The following NFX1 variants were observed in gnomAD, a reference collection of about 807,000 sequenced individuals.
NFX1 encodes the protein nuclear transcription factor, X-box binding 1, also known as transcriptional repressor NF-X1.
A neutral mutation model predicts 137.2 loss-of-function variants in NFX1; 69 were observed. That is an observed-to-expected ratio of 0.50 (90% CI 0.41 to 0.61). NFX1 has a LOEUF of 0.61. Among genes scored for constraint, NFX1 ranks in the 20% least tolerant of loss-of-function variants. The probability of loss-of-function intolerance (pLI) is 0.00; values close to 1 mark genes in which losing one functional copy is unlikely to be tolerated. For synonymous variants in NFX1, 495 were observed against 474.1 expected, an observed-to-expected ratio of 1.04 and a Z score of -0.57; for missense variants, 1,167 against 1,391.0, an observed-to-expected ratio of 0.84 and a Z score of 2.56.
chr9:33,368,213 C>T (rs1053579791), intron 23 of NFX1, among the ~76,000 whole-genome samples: 6 of 151,404 alleles, frequency 4.0e-5, no homozygotes, highest in South Asian at 2.1e-4. Flanking sequence ...CCACCCTGGG[C>T]GACAGAGAGA....
chr9:33,330,782 G>A (rs1013066326), intron 10 of NFX1, among the ~76,000 whole-genome samples: 10 of 152,128 alleles, frequency 6.6e-5, no homozygotes, highest in Admixed American at 6.5e-4. Context: ...CTATGTGTAA[G>A]TTGAATTTTT....
chr9:33,364,337 G>A (rs1006566535), intron 20 of NFX1, among the ~76,000 whole-genome samples: 1 of 152,140 alleles, frequency 6.6e-6, no homozygotes, highest in Non-Finnish European at 1.5e-5. Context: ...AGTTTGGGTG[G>A]GGTGGTGGTA....
intron 5 of NFX1, among the ~76,000 whole-genome samples, chr9:33,310,686 AC>A (rs1821931207): frequency 6.6e-6 from 1 of 152,094 alleles, no homozygotes; most frequent in South Asian, 2.1e-4. Context: ...CTTCTTACGG[AC>A]CAGGTAGATT....
chr9:33,345,664 C>T (rs980423821), intron 14 of NFX1, among the ~76,000 whole-genome samples: 4 of 148,914 alleles, frequency 2.7e-5, no homozygotes, highest in Admixed American at 6.6e-5. Context: ...AGCTTTTTTT[C>T]CCACTCTTAT....
In NFX1 at chr9:33,313,945, T is replaced by C. The variant is rs1414661690; in HGVS notation, c.1588+152T>C. The C allele has an allele frequency of 1.3e-5, 9 of 716,808 alleles. No homozygotes were observed. In the East Asian group the frequency reaches 2.4e-4, roughly 19 times the overall value. The allele number at this position is 716,808 out of a possible 1,614,324, so 44.4% of individuals were successfully genotyped here. ...AGATACGATGCTTAGACGGTTTTTA[T>C]TATTTTACCTGCATACCAGTATAGG... On this transcript the variant is annotated intron_variant, in intron 7 of 23. Coordinates refer to ENST00000379540, the MANE Select transcript of NFX1 (RefSeq NM_002504.6).
In NFX1 at chr9:33,290,552, A is replaced by C. The variant is rs2118119065; in HGVS notation, c.-21A>C. ...AGTGCTGACTTGGCTGTACAGCTCG[A>C]TCTAGGTTCTGCGGCACGGGATGGC... On this transcript the variant is annotated 5_prime_UTR_variant, in exon 1 of 24. Coordinates refer to ENST00000379540, the MANE Select transcript of NFX1 (RefSeq NM_002504.6). The C allele has an allele frequency of 6.2e-7, 1 of 1,613,910 alleles. No individual in the cohort carries two copies. Among genetic ancestry groups the C allele is most frequent in the Non-Finnish European group, 8.5e-7 (1 of 1,179,966 alleles).
chr9:33,324,470 G>T (rs2118434723), intron 9 of NFX1, among the ~76,000 whole-genome samples: 1 of 152,308 alleles, frequency 6.6e-6, no homozygotes, highest in East Asian at 1.9e-4. Context: ...AAGATTGCTT[G>T]AGTCCAAGAG....
Position 33,294,501 on chromosome 9 carries a change from G to A in NFX1, c.107G>A (p.Arg36Lys), listed in dbSNP as rs774580086. 3 of 1,613,564 alleles carry A rather than the reference G, an allele frequency of 1.9e-6. No individual in the cohort carries two copies. The highest frequency in any genetic ancestry group is 2.5e-6 in the Non-Finnish European group (3 of 1,179,890). ...TCTGGTCTAAATTGTGGGACTCAAA[G>A]GAGACTAGACTCTAATAGGATTGGT... ...KNSGLNCGTQ[R>K]RLDSNRIGRR... The change falls in exon 2 of 24, where the codon AGG becomes AAG. Residue 36 changes from arginine to lysine, a missense_variant. Coordinates refer to ENST00000379540, the MANE Select transcript of NFX1 (RefSeq NM_002504.6).
At chr9:33,333,368 G>A (rs1160486339) in intron 11 of NFX1, among the ~76,000 whole-genome samples, 1 of 152,172 alleles carries the variant, frequency 6.6e-6, no homozygotes, top group Non-Finnish European at 1.5e-5. Context: ...ATATCTGGAG[G>A]CAGAACAAGT....
chr9:33,294,196 TGTC>T (rs2118158004), intron 1 of NFX1, among the ~76,000 whole-genome samples: 1 of 152,376 alleles, frequency 6.6e-6, no homozygotes, highest in East Asian at 1.9e-4. Flanking sequence ...AACACTTAGC[TGTC>T]ATTGGCTATT....
chr9:33,364,055 C>G lies in NFX1; in HGVS notation c.2919C>G (p.Phe973Leu). 1.9e-6 allele frequency: 3 copies of G among 1,605,296 alleles called. No individual in the cohort carries two copies. The highest frequency in any genetic ancestry group is 1.7e-6 in the Non-Finnish European group (2 of 1,176,280). Residue 973 changes from phenylalanine to leucine, a missense_variant, in exon 20 of 24, where the codon TTC becomes TTG. Physicochemically the swap from Phe to Leu is conservative, Grantham distance 22. This residue lies in a region of NFX1 where 312 missense variants were observed against 312.8 expected (regional missense o/e 1.00). Coordinates refer to ENST00000379540, the MANE Select transcript of NFX1 (RefSeq NM_002504.6). The part of the protein sequence containing the change: ...AFHISEDSDP[F>L]NIRSSGSKFS... ...ATATCAGTGAGGATTCTGATCCTTT[C>G]AATATACGTTCTTCAGGGTCAAAAT...
At position 33,366,647 on chromosome 9, in the gene NFX1, A is replaced by T. The variant is rs1422376502; in HGVS notation, c.3058A>T (p.Ser1020Cys). The change falls in exon 22 of 24, where the codon AGC becomes TGC. Residue 1020 changes from serine to cysteine, a missense_variant. Ser to Cys is a moderately radical substitution (Grantham distance 112). Transcript: ENST00000379540. The stretch of plus-strand genomic sequence containing the variant: ...AATACAGGGAAAGAATAGTAAGAAA[A>T]GCCACAGCTTCCCTCCCATGAACAG... Reference protein sequence around the residue: ...AVNKGKNSKKSHSFPPMNRDH... With the variant: ...AVNKGKNSKKCHSFPPMNRDH... The T allele has an allele frequency of 6.2e-7, 1 of 1,614,106 alleles. No homozygotes were observed. The highest frequency in any genetic ancestry group is 8.5e-7 in the Non-Finnish European group (1 of 1,180,032).
At chr9:33,366,536 T>G in intron 21 of NFX1, 93 bp from the exon 22 acceptor site, 1 of 1,473,646 alleles carries the variant, frequency 6.8e-7, no homozygotes, top group South Asian at 1.2e-5. Context: ...TCACCTCTTA[T>G]TGATCCCTGC....
At chr9:33,348,695 A>G (rs1190335173) in intron 15 of NFX1, 13 of 948,646 alleles carry the variant, frequency 1.4e-5, no homozygotes, top group African/African-American at 3.5e-5. Flanking sequence ...TGTGATATCT[A>G]TGAAATGCAA....
chr9:33,344,303 C>G, intron 14 of NFX1, 115 bp downstream of exon 14: 1 of 1,432,800 alleles, frequency 7.0e-7, no homozygotes, highest in Non-Finnish European at 9.6e-7. Context: ...CCCCTTGCTC[C>G]CGGCTCAGGG....
At chr9:33,369,771 A>T in intron 23 of NFX1, 135 bp from the exon 24 acceptor site, 1 of 731,144 alleles carries the variant, frequency 1.4e-6, no homozygotes, top group Non-Finnish European at 2.3e-6. Context: ...AAGGAAAAAA[A>T]GTAAGACTAA....
chr9:33,310,957 C>T, intron 5 of NFX1, 149 bp from the exon 6 acceptor site: 2 of 629,444 alleles, frequency 3.2e-6, no homozygotes, highest in South Asian at 2.5e-5. Flanking sequence ...TATCTTTGTT[C>T]AAATAGTTTA....
chr9:33,354,293 CACAA>C, intron 18 of NFX1, 106 bp downstream of exon 18: 1 of 861,202 alleles, frequency 1.2e-6, no homozygotes, highest in Non-Finnish European at 1.8e-6. Context: ...GCCTTGCATA[CACAA>C]TAAGTATTCA....
chr9:33,354,770 G>T, intron 18 of NFX1, 81 bp from the exon 19 acceptor site: 1 of 1,344,368 alleles, frequency 7.4e-7, no homozygotes, highest in East Asian at 2.6e-5. Context: ...CTTCCAGGTT[G>T]ACTGAGACTT....
Sources: gnomAD v4.1 joint callset for allele counts (sites outside exome capture counted in the v4.1 genomes callset) on GRCh38, gnomAD v4.1.1 for gene constraint, gnomAD v4.1.1 regional missense constraint, MANE v1.5 for transcripts, NCBI Gene and HGNC (gene_info 2026-07-23, HGNC 2026-07-21) for gene names.